Variants in ALCAM observed in about 807,000 individuals in gnomAD.
ALCAM encodes CD166 antigen.
ALCAM carries 30 observed loss-of-function variants against 70.9 expected under a neutral mutation model. That is an observed-to-expected ratio of 0.42 (90% CI 0.32 to 0.57). The LOEUF (loss-of-function observed/expected upper bound fraction) is 0.57, where lower values mean the gene tolerates loss of function less well. ALCAM is among the 20% of genes least tolerant of loss of function. The pLI is 0.11. For missense variants in ALCAM, 591 were observed against 695.1 expected, an observed-to-expected ratio of 0.85 and a Z score of 1.68; for synonymous variants, 249 against 242.5, an observed-to-expected ratio of 1.03 and a Z score of -0.25.
chr3:105,404,455 C>T (rs1324101332), intron 1 of ALCAM, among the ~76,000 whole-genome samples: 1 of 152,060 alleles, frequency 6.6e-6, no homozygotes, highest in East Asian at 1.9e-4. Context: ...AAACAATTAT[C>T]AGCCAAGAAT....
chr3:105,516,528 T>C (rs1939382517), intron 1 of ALCAM, among the ~76,000 whole-genome samples: 1 of 152,202 alleles, frequency 6.6e-6, no homozygotes, highest in Non-Finnish European at 1.5e-5. Flanking sequence ...AATACTTCTA[T>C]GTAACCTTTG....
chr3:105,405,435 G>A (rs1376110465), intron 1 of ALCAM, among the ~76,000 whole-genome samples: 2 of 151,988 alleles, frequency 1.3e-5, no homozygotes, highest in Middle Eastern at 3.4e-3. Context: ...AAATGAGATC[G>A]ATGACAACAC....
At chr3:105,392,460 C>CT (rs1423812734) in intron 1 of ALCAM, among the ~76,000 whole-genome samples, 2 of 151,300 alleles carry the variant, frequency 1.3e-5, no homozygotes, top group Non-Finnish European at 3.0e-5. Context: ...ATTGTTCTCT[C>CT]TTTTTTTCTT....
At chr3:105,551,512 C>T (rs931008518) in intron 12 of ALCAM, among the ~76,000 whole-genome samples, 1 of 151,646 alleles carries the variant, frequency 6.6e-6, no homozygotes, top group Non-Finnish European at 1.5e-5. Flanking sequence ...GATGCATGCC[C>T]ATGCACTTTG....
At chr3:105,538,182 G>C (rs1381011681) in intron 6 of ALCAM, among the ~76,000 whole-genome samples, 1 of 152,136 alleles carries the variant, frequency 6.6e-6, no homozygotes, top group Non-Finnish European at 1.5e-5. Context: ...GAGGAACCAA[G>C]TGAAATTTGA....
intron 1 of ALCAM, among the ~76,000 whole-genome samples, chr3:105,454,127 A>G (rs1441883370): frequency 6.6e-6 from 1 of 152,166 alleles, no homozygotes; most frequent in Non-Finnish European, 1.5e-5. Flanking sequence ...GAGATAAAAT[A>G]ATATTTATAA....
chr3:105,456,133 T>C (rs1937533025), intron 1 of ALCAM, among the ~76,000 whole-genome samples: 1 of 152,162 alleles, frequency 6.6e-6, no homozygotes, highest in Non-Finnish European at 1.5e-5. Context: ...TAAATGTGAT[T>C]GCAGACCTGC....
At chr3:105,454,653 A>ATTT (rs59389132) in intron 1 of ALCAM, among the ~76,000 whole-genome samples, 853 of 61,818 alleles carry the variant, frequency 0.014, 98 homozygotes, top group Middle Eastern at 0.036. Flanking sequence ...ATGCTCATTA[A>ATTT]TTTTTTTTTT....
chr3:105,412,921 C>A (rs963321725), intron 1 of ALCAM, among the ~76,000 whole-genome samples: 10 of 152,018 alleles, frequency 6.6e-5, no homozygotes, highest in Admixed American at 5.9e-4. Context: ...TGATCATAAA[C>A]ATTGTGCCGA....
chr3:105,533,874 G>T (rs564388888), intron 5 of ALCAM, among the ~76,000 whole-genome samples, 184 bp downstream of exon 5: 1 of 151,994 alleles, frequency 6.6e-6, no homozygotes, highest in Non-Finnish European at 1.5e-5. Context: ...CAGGCATTAG[G>T]TTTATTGTGT....
chr3:105,520,415 TA>T (rs1298100003), intron 2 of ALCAM, among the ~76,000 whole-genome samples: 11 of 152,232 alleles, frequency 7.2e-5, no homozygotes, highest in Non-Finnish European at 1.3e-4. Flanking sequence ...GATTCCACCT[TA>T]AGTGTTAGAG....
rs773484652 is a variant in ALCAM, at chr3:105,547,239, G to T, written c.1195G>T (p.Val399Phe). The T allele has an allele frequency of 1.9e-6, 3 of 1,606,594 alleles. No individual in the cohort carries two copies. Among genetic ancestry groups the T allele is most frequent in the South Asian group, 2.2e-5 (2 of 89,706 alleles). ...TGTCTGCGAAACTGCTCTGCAGGAG[G>T]TTGAAGGACTAAAGAAAAGAGAGTC... ...NYVCETALQE[V>F]EGLKKRESLT... The change falls in exon 10 of 16, where the codon GTT (valine) becomes TTT (phenylalanine). Residue 399 changes from valine (V) to phenylalanine (F), a missense_variant. Physicochemically the swap from Val to Phe is conservative, Grantham distance 50. Around this residue, in one of 2 missense-constraint regions of ALCAM, gnomAD observed 164 missense variants for 244.7 expected, o/e 0.67. Coordinates refer to ENST00000306107, the MANE Select transcript of ALCAM (RefSeq NM_001627.4).
intron 7 of ALCAM, 110 bp from the exon 8 acceptor site, chr3:105,541,523 A>G (rs1940115110): frequency 1.7e-6 from 2 of 1,183,704 alleles, no homozygotes; most frequent in African/African-American, 3.1e-5. Context: ...TCAATGAAAC[A>G]CATTCCCTTT....
rs1239489844 is a variant in ALCAM at position 105,520,226 on chromosome 3, T to C, written c.174+59T>C. On this transcript the variant is annotated intron_variant, in intron 2 of 15. Transcript: ENST00000306107. ...CCCTTGTTCTTTTAAATAAAATTCT[T>C]TCTGTGAGTAACTGTGAATTTCAAA... The C allele has an allele frequency of 9.3e-6, 11 of 1,177,248 alleles. No homozygotes were observed. In the East Asian group the frequency reaches 2.3e-4, roughly 25 times the overall value. The allele number at this position is 1,177,248 out of a possible 1,614,324, so 72.9% of individuals were successfully genotyped here. A position where few individuals can be genotyped will look rare whatever the true frequency, so the allele number is the denominator to read the frequency against.
chr3:105,474,880 A>G (rs1938058514), intron 1 of ALCAM, among the ~76,000 whole-genome samples: 3 of 151,738 alleles, frequency 2.0e-5, no homozygotes, highest in Admixed American at 1.3e-4. Flanking sequence ...TACTGGTTCC[A>G]GTTAGTATAT....
At chr3:105,457,791 G>C (rs3910551) in intron 1 of ALCAM, among the ~76,000 whole-genome samples, 14,983 of 152,096 alleles carry the variant, frequency 0.099, 1,083 homozygotes, top group East Asian at 0.25. Context: ...AACCATTTCT[G>C]ACACTGAGCA....
chr3:105,529,506 A>G (rs1322678547), intron 3 of ALCAM, among the ~76,000 whole-genome samples: 2 of 152,180 alleles, frequency 1.3e-5, no homozygotes, highest in African/African-American at 2.4e-5. Flanking sequence ...TACATTCAAG[A>G]TACATAGTTA....
intron 1 of ALCAM, among the ~76,000 whole-genome samples, chr3:105,367,989 C>G (rs1391160883): frequency 6.6e-6 from 1 of 151,732 alleles, no homozygotes; most frequent in Non-Finnish European, 1.5e-5. Flanking sequence ...TTAATCACCT[C>G]CCCCCGCCCC....
chr3:105,432,667 G>A (rs942689336), intron 1 of ALCAM, among the ~76,000 whole-genome samples: 4 of 151,980 alleles, frequency 2.6e-5, no homozygotes, highest in African/African-American at 9.7e-5. Flanking sequence ...TTAGCACAGC[G>A]CTTCACACAT....
Sources: allele counts gnomAD v4.1 joint callset (sites outside exome capture counted in the v4.1 genomes callset), GRCh38; gene constraint gnomAD v4.1.1; regional missense constraint gnomAD v4.1.1; transcripts MANE v1.5; gene names NCBI Gene and HGNC (gene_info 2026-07-23, HGNC 2026-07-21).